Variants in THOC2 observed in about 807,000 individuals in gnomAD.
THOC2 encodes THO complex 2.
In THOC2, 10 loss-of-function variants were observed where a neutral mutation model predicts 128.4. The ratio of observed to expected loss-of-function variants is 0.08; its 90% CI spans 0.05 to 0.13. THOC2 has a LOEUF of 0.13. THOC2 is among the 10% of genes least tolerant of loss of function. The pLI is 1.00. For synonymous variants in THOC2, 393 were observed against 396.9 expected (o/e 0.99, Z 0.12); for missense variants, 535 against 1,155.7 (o/e 0.46, Z 7.79).
In THOC2 at chrX:123,691,942, C is replaced by T. The variant is rs1003613497; in HGVS notation, c.601+4079G>A. On this transcript the variant is annotated intron_variant, in intron 7 of 38. Transcript: ENST00000245838. ...ACATTTATTTATGTACTATCTATAG[C>T]TGTTTTTACGCTGTTTTTACACTAC... 7.1e-5 allele frequency among the ~76,000 whole-genome samples: 8 copies of T among 111,969 alleles called. No individual in the cohort carries two copies. In the South Asian group the frequency reaches 2.2e-3, roughly 31 times the overall value.
intron 8 of THOC2, among the ~76,000 whole-genome samples, chrX:123,673,263 C>T (rs1181942034): frequency 9.0e-6 from 1 of 111,730 alleles, no homozygotes. Context: ...CACTTCAGCC[C>T]GGGAGGCGGA....
At chrX:123,657,968 T>C (rs1037351026) in intron 12 of THOC2, among the ~76,000 whole-genome samples, 5 of 68,922 alleles carry the variant, frequency 7.3e-5, no homozygotes, top group African/African-American at 2.6e-4. Flanking sequence ...TGCGTGTGTG[T>C]GTGTGTGTGT....
chrX:123,706,903 T>G lies in THOC2; in HGVS notation c.177A>C (p.Gly59=), dbSNP rs2050956862. ...LYELSYHVIK[G]NLKHEQASNV... is the part of the protein sequence containing the mutation. ...TAGATGCCTGTTCATGCTTTAGATT[T>G]CCTTTAATTACATGATATGACAACT... The change falls in exon 3 of 39, where the codon GGA becomes GGC. Residue 59 remains glycine, a synonymous_variant. Transcript: ENST00000245838. 8.6e-7 allele frequency: 1 copy of G among 1,166,413 alleles called. No homozygotes were observed.
intron 7 of THOC2, 105 bp from the exon 8 acceptor site, chrX:123,686,819 T>A: frequency 1.4e-6 from 1 of 689,969 alleles, no homozygotes; most frequent in Non-Finnish European, 2.1e-6. Context: ...AAAATGTTTT[T>A]AAAAACAACT....
At chrX:123,701,582 C>A (rs1284011371) in intron 4 of THOC2, among the ~76,000 whole-genome samples, 1 of 109,809 alleles carries the variant, frequency 9.1e-6, no homozygotes, top group East Asian at 2.8e-4. Flanking sequence ...CTGACACTAT[C>A]AAGGAACAAT....
At position 123,718,280 on chromosome X, in the gene THOC2, CA is replaced by C. The variant is rs548851375; in HGVS notation, c.72-5373del. 1.2e-4 allele frequency among the ~76,000 whole-genome samples: 13 copies of C among 111,831 alleles called. No individual in the cohort carries two copies. In the South Asian group the frequency reaches 4.8e-3, roughly 42 times the overall value. On this transcript the variant is annotated intron_variant, in intron 1 of 38. Coordinates refer to ENST00000245838, the MANE Select transcript of THOC2 (RefSeq NM_001081550.2). ...CTGGACACTTACTTCACACCATATA[CA>C]AAAATCAACTCAAAATGAATTAAAG...
intron 22 of THOC2, 110 bp from the exon 23 acceptor site, chrX:123,628,078 A>T (rs1305812551): frequency 1.7e-6 from 1 of 602,284 alleles, no homozygotes; most frequent in Non-Finnish European, 2.6e-6. Flanking sequence ...TCAAAAGATG[A>T]CCAATCTCAA....
chrX:123,706,345 T>C (rs2050924347), intron 3 of THOC2, among the ~76,000 whole-genome samples: 2 of 111,248 alleles, frequency 1.8e-5, no homozygotes, highest in South Asian at 7.7e-4. Flanking sequence ...TAGAGTGGCA[T>C]TTTTTATTAA....
At chrX:123,692,716 G>A (rs1376241270) in intron 7 of THOC2, among the ~76,000 whole-genome samples, 1 of 110,186 alleles carries the variant, frequency 9.1e-6, no homozygotes, top group African/African-American at 3.3e-5. Flanking sequence ...TGGCCAGGCT[G>A]GTCTCAAATT....
At chrX:123,714,684 C>T (rs2051331385) in intron 1 of THOC2, among the ~76,000 whole-genome samples, 1 of 112,114 alleles carries the variant, frequency 8.9e-6, no homozygotes, top group South Asian at 3.6e-4. Flanking sequence ...TCTTCTCAAG[C>T]ACACACAAAC....
At chrX:123,707,196 T>C (rs1370463981) in intron 2 of THOC2, among the ~76,000 whole-genome samples, 1 of 111,718 alleles carries the variant, frequency 9.0e-6, no homozygotes, top group East Asian at 2.8e-4. Context: ...TTTTTCTGTA[T>C]GTCTACAGAT....
At chrX:123,662,119 T>C (rs1349677816) in intron 12 of THOC2, among the ~76,000 whole-genome samples, 2 of 112,363 alleles carry the variant, frequency 1.8e-5, no homozygotes, top group East Asian at 5.5e-4. Context: ...AAATTCAAAT[T>C]AGATATAATC....
At chrX:123,675,103 A>G in intron 8 of THOC2, among the ~76,000 whole-genome samples, 1 of 112,237 alleles carries the variant, frequency 8.9e-6, no homozygotes, top group Non-Finnish European at 1.9e-5. Context: ...TGGCTTTTAT[A>G]TTTTACCTAG....
chrX:123,658,422 G>C (rs775282176), intron 12 of THOC2, among the ~76,000 whole-genome samples: 5 of 111,732 alleles, frequency 4.5e-5, no homozygotes, highest in South Asian at 7.5e-4. Flanking sequence ...CTTTATTCTT[G>C]ATTGCCAAAA....
intron 8 of THOC2, among the ~76,000 whole-genome samples, chrX:123,684,516 G>A (rs1272230904): frequency 4.5e-5 from 5 of 111,154 alleles, no homozygotes; most frequent in Admixed American, 9.5e-5. Context: ...CCCGAGTAGT[G>A]GGGATTACAG....
rs1455757352 is a variant in THOC2 at position 123,601,167 on chromosome X, A to G, written c.*190T>C. Reference sequence around the variant, plus strand: ...ACATGTAGAAACTAAGCAACAAGTTAAAATACAGTAATGCACAACTTAACA... The same window carrying G: ...ACATGTAGAAACTAAGCAACAAGTTGAAATACAGTAATGCACAACTTAACA... On this transcript the variant is annotated 3_prime_UTR_variant, in exon 39 of 39. Transcript: ENST00000245838. 2 of 112,590 alleles carry G rather than the reference A, an allele frequency of 1.8e-5. No individual in the cohort carries two copies. The highest frequency in any genetic ancestry group is 6.5e-5 in the African/African-American group (2 of 30,918). The allele number at this position is 112,590 out of a possible 1,213,427, so 9.3% of individuals were successfully genotyped here.
chrX:123,663,976 C>A (rs1051317446), intron 12 of THOC2, among the ~76,000 whole-genome samples: 1 of 111,766 alleles, frequency 8.9e-6, no homozygotes, highest in Non-Finnish European at 1.9e-5. Context: ...GCATAGTATT[C>A]CATGGTATAT....
At chrX:123,701,482 G>T (rs907411514) in intron 4 of THOC2, among the ~76,000 whole-genome samples, 1 of 111,284 alleles carries the variant, frequency 9.0e-6, no homozygotes, top group African/African-American at 3.3e-5. Flanking sequence ...AAATAACTAT[G>T]AAGGGAAAAA....
intron 12 of THOC2, among the ~76,000 whole-genome samples, chrX:123,662,827 A>G (rs2048894378): frequency 9.0e-6 from 1 of 111,659 alleles, no homozygotes; most frequent in South Asian, 3.7e-4. Flanking sequence ...CACTAAAGAT[A>G]ACTATAAATG....
Sources: allele counts gnomAD v4.1 joint callset (sites outside exome capture counted in the v4.1 genomes callset), GRCh38; gene constraint gnomAD v4.1.1; transcripts MANE v1.5; gene names NCBI Gene and HGNC (gene_info 2026-07-23, HGNC 2026-07-21).